The following BCL3 variants were observed in gnomAD, a reference collection of about 807,000 sequenced individuals.
BCL3 encodes the protein B-cell lymphoma 3 protein.
A neutral mutation model predicts 35.7 loss-of-function variants in BCL3; 15 were observed. That is an observed-to-expected ratio of 0.42 (90% CI 0.28 to 0.65). The LOEUF (loss-of-function observed/expected upper bound fraction) is 0.65, where lower values mean the gene tolerates loss of function less well. Among genes scored for constraint, BCL3 ranks in the 30% least tolerant of loss-of-function variants. BCL3 has a pLI of 0.22. For synonymous variants in BCL3, 311 were observed against 284.3 expected, an observed-to-expected ratio of 1.09 and a Z score of -0.95; for missense variants, 565 against 641.7, an observed-to-expected ratio of 0.88 and a Z score of 1.29.
chr19:44,757,225 A>C lies in BCL3; in HGVS notation c.724+4A>C, dbSNP rs1214971348. The C allele has an allele frequency of 6.5e-7, 1 of 1,550,072 alleles. No individual in the cohort carries two copies. The highest frequency in any genetic ancestry group is 2.4e-5 in the East Asian group (1 of 41,128). ...CTGGAGGCCCGCAATTATGACGGTA[A>C]GCATTTACCGCGGGGCACCGCTGGG... On this transcript the variant is annotated splice_donor_region_variant and intron_variant, in intron 4 of 8. Coordinates refer to ENST00000164227, the MANE Select transcript of BCL3 (RefSeq NM_005178.5). The surrounding 1 kb of genome is among the most constrained non-coding windows in gnomAD (Gnocchi z 8.4).
Position 44,749,053 on chromosome 19 carries a change from G to T in BCL3, c.256+7G>T. ...GAGGCGCTTTACTACCCCGGTGAGT[G>T]GCCCCCGAGGGTCCGGGCCGGGTGG... On this transcript the variant is annotated splice_region_variant and intron_variant, in intron 1 of 8. Transcript: ENST00000164227. 1 of 1,308,300 alleles carries T rather than the reference G, an allele frequency of 7.6e-7. No individual in the cohort carries two copies. Among genetic ancestry groups the T allele is most frequent in the Non-Finnish European group, 9.8e-7 (1 of 1,023,028 alleles). 81.0% of individuals were successfully genotyped at this position (1,308,300 alleles called of 1,614,324 possible). A position where few individuals can be genotyped will look rare whatever the true frequency, so the allele number is the denominator to read the frequency against.
intron 6 of BCL3, 84 bp from the exon 7 acceptor site, chr19:44,758,162 G>T: frequency 7.4e-7 from 1 of 1,356,484 alleles, no homozygotes. Flanking sequence ...CCCACGTGCC[G>T]GCCACCCACC....
Position 44,748,910 on chromosome 19 carries a change from C to T in BCL3, c.120C>T (p.Pro40=). 3.5e-6 allele frequency: 4 copies of T among 1,151,628 alleles called. No individual in the cohort carries two copies. The highest frequency in any genetic ancestry group is 4.3e-6 in the Non-Finnish European group (4 of 938,412). The allele number at this position is 1,151,628 out of a possible 1,614,324, so 71.3% of individuals were successfully genotyped here. A position where few individuals can be genotyped will look rare whatever the true frequency, so the allele number is the denominator to read the frequency against. The change falls in exon 1 of 9, where the codon CCC becomes CCT. Residue 40 remains proline (P), a synonymous_variant. Coordinates refer to ENST00000164227, the MANE Select transcript of BCL3 (RefSeq NM_005178.5). ...TCCGCAAGCGCCCGCTGCGCGCGCC[C>T]TCCCCGGAGCCCGCCGCTCCCCGCG... ...LPLRKRPLRA[P]SPEPAAPRGA... is the part of the protein sequence containing the mutation.
In BCL3 at chr19:44,748,798, G is replaced by A. The variant is rs1409945901; in HGVS notation, c.8G>A (p.Arg3Gln). The change falls in exon 1 of 9, where the codon CGA (arginine) becomes CAA (glutamine). Residue 3 changes from arginine to glutamine, a missense_variant. Arg to Gln is a conservative substitution (Grantham distance 43). This residue lies in a region of BCL3 where 267 missense variants were observed against 281.5 expected (regional missense o/e 0.95). Transcript: ENST00000164227. ...GCCGTCCCCGGCGGCCCCATGCCCC[G>A]ATGCCCCGCGGGGGCCATGGACGAG... is the stretch of plus-strand genomic sequence containing the variant. MP[R>Q]CPAGAMDEGP... is the part of the protein sequence containing the mutation. 66 of 1,109,072 alleles carry A rather than the reference G, an allele frequency of 6.0e-5. No individual in the cohort carries two copies. The East Asian group carries it at 2.5e-3, about 42-fold the overall frequency. 68.7% of individuals were successfully genotyped at this position (1,109,072 alleles called of 1,614,324 possible).
chr19:44,759,047 CCAGCCCCTCCTCCCTCAGACCT>C (rs1344281915), intron 8 of BCL3, among the ~76,000 whole-genome samples: 1 of 129,466 alleles, frequency 7.7e-6, no homozygotes, highest in Non-Finnish European at 1.7e-5. Context: ...TTCAGACCCC[CCAGCCCCTCCTCCCTCAGACCT>C]CAGCCCCTCC....
At position 44,751,340 on chromosome 19, in the gene BCL3, G is replaced by A; in HGVS notation, c.370G>A (p.Asp124Asn). 6.2e-7 allele frequency: 1 copy of A among 1,602,660 alleles called. No individual in the cohort carries two copies. Among genetic ancestry groups the A allele is most frequent in the Non-Finnish European group, 8.5e-7 (1 of 1,176,280 alleles). Residue 124 changes from aspartate to asparagine, a missense_variant, in exon 2 of 9, where the codon GAC (aspartate) becomes AAC (asparagine). Coordinates refer to ENST00000164227, the MANE Select transcript of BCL3 (RefSeq NM_005178.5). ...MCPMEHPLSA[D>N]IAMATRADED... ...CCCCATGGAACACCCCCTTTCTGCT[G>A]ACATCGCCATGGCCACCCGTGCAGA... is the stretch of plus-strand genomic sequence containing the variant.
intron 2 of BCL3, among the ~76,000 whole-genome samples, chr19:44,753,317 C>G (rs1967216814): frequency 6.6e-6 from 1 of 152,180 alleles, no homozygotes; most frequent in African/African-American, 2.4e-5. Context: ...GGTGAGCTGT[C>G]CATGCTGTTG....
intron 2 of BCL3, chr19:44,755,445 C>A (rs1030066346): frequency 6.6e-6 from 1 of 152,236 alleles, no homozygotes; most frequent in Admixed American, 6.5e-5. Context: ...TGGGGCGTGA[C>A]CTTGGACAAG....
At chr19:44,747,926 T>TGCCCCCC, upstream of BCL3, 25 of 1,186,764 alleles carry the variant, frequency 2.1e-5, no homozygotes, top group Admixed American at 3.6e-5. Context: ...AGTGGAGCGC[T>TGCCCCCC]CCCCACCCTC....
At chr19:44,748,137 GAACCGAGATTCC>G (rs1173181769), upstream of BCL3, 2 of 1,281,344 alleles carry the variant, frequency 1.6e-6, 1 homozygote, top group Admixed American at 4.9e-5. Context: ...GAGTAAGTGG[GAACCGAGATTCC>G]AAACCCCGTC....
At chr19:44,754,149 C>A (rs923781939) in intron 2 of BCL3, among the ~76,000 whole-genome samples, 2 of 152,056 alleles carry the variant, frequency 1.3e-5, no homozygotes, top group African/African-American at 4.8e-5. Context: ...AGTTTGGGAT[C>A]CTGGAGCTCT....
intron 2 of BCL3, chr19:44,755,043 T>G (rs1967255381): frequency 6.6e-6 from 1 of 152,290 alleles, no homozygotes; most frequent in Non-Finnish European, 1.5e-5. Flanking sequence ...TTAGTAAACT[T>G]TAAATAAAGA....
chr19:44,752,078 G>GCACACACA (rs3138632), intron 2 of BCL3, among the ~76,000 whole-genome samples: 11 of 145,922 alleles, frequency 7.5e-5, no homozygotes, highest in Non-Finnish European at 1.2e-4. Flanking sequence ...CTCAAACCCA[G>GCACACACA]CACACACACA....
At chr19:44,755,889 A>G (rs1248608252) in intron 2 of BCL3, among the ~76,000 whole-genome samples, 1 of 152,228 alleles carries the variant, frequency 6.6e-6, no homozygotes, top group Non-Finnish European at 1.5e-5. Context: ...ACTGCACTCC[A>G]GCCTGGGCGA....
chr19:44,748,790 C>A lies in BCL3; in HGVS notation c.-1C>A. 9.0e-7 allele frequency: 1 copy of A among 1,109,714 alleles called. No homozygotes were observed. Among genetic ancestry groups the A allele is most frequent in the Non-Finnish European group, 1.1e-6 (1 of 910,192 alleles). 68.7% of individuals were successfully genotyped at this position (1,109,714 alleles called of 1,614,324 possible). On this transcript the variant is annotated 5_prime_UTR_variant, in exon 1 of 9. Coordinates refer to ENST00000164227, the MANE Select transcript of BCL3 (RefSeq NM_005178.5). The stretch of plus-strand genomic sequence containing the variant: ...CTCCGGCCGCCGTCCCCGGCGGCCC[C>A]ATGCCCCGATGCCCCGCGGGGGCCA...
chr19:44,748,086 A>G, upstream of BCL3: 7 of 1,338,928 alleles, frequency 5.2e-6, no homozygotes, highest in Non-Finnish European at 6.9e-6. Context: ...TAAGGAGGAA[A>G]CGGCTCAGAG....
At position 44,749,039 on chromosome 19, in the gene BCL3, C is replaced by A; in HGVS notation, c.249C>A (p.Tyr83Ter). 1 of 1,349,524 alleles carries A rather than the reference C, an allele frequency of 7.4e-7. No individual in the cohort carries two copies. The highest frequency in any genetic ancestry group is 9.5e-7 in the Non-Finnish European group (1 of 1,053,808). 83.6% of individuals were successfully genotyped at this position (1,349,524 alleles called of 1,614,324 possible). ...PHGLARPEAL[Y>*]YPGALLPLYP... ...GCCTGGCCCGGCCGGAGGCGCTTTA[C>A]TACCCCGGTGAGTGGCCCCCGAGGG... is the stretch of plus-strand genomic sequence containing the variant. Residue 83 changes from tyrosine to a stop codon, truncating the protein, a stop_gained, in exon 1 of 9, where the codon TAC becomes TAA. Transcript: ENST00000164227. LOFTEE classifies it high-confidence loss of function.
Position 44,758,730 on chromosome 19 carries a change from G to A in BCL3, c.1066G>A (p.Asp356Asn). ...CACGCCCATCTTCCTACAGGTCATC[G>A]ACATCCTGAGGGGGAAGGCCACCCG... ...LMVARSRRVIDILRGKATRPA... is the reference protein window; with the variant it reads ...LMVARSRRVINILRGKATRPA... Residue 356 changes from aspartate (D) to asparagine (N), a missense_variant, in exon 8 of 9, where the codon GAC becomes AAC. Asp to Asn is a conservative substitution (Grantham distance 23). This residue lies in a region of BCL3 where 151 missense variants were observed against 138.1 expected (regional missense o/e 1.09). Coordinates refer to ENST00000164227, the MANE Select transcript of BCL3 (RefSeq NM_005178.5). 1 of 1,598,060 alleles carries A rather than the reference G, an allele frequency of 6.3e-7. No homozygotes were observed. Among genetic ancestry groups the A allele is most frequent in the East Asian group, 2.3e-5 (1 of 44,346 alleles).
At chr19:44,751,129 G>T in intron 1 of BCL3, 98 bp from the exon 2 acceptor site, 1 of 1,463,414 alleles carries the variant, frequency 6.8e-7, no homozygotes, top group South Asian at 1.3e-5. Context: ...AGAAAGGGCA[G>T]GTGACACCAC....
Sources: allele counts gnomAD v4.1 joint callset (sites outside exome capture counted in the v4.1 genomes callset), GRCh38; gene constraint gnomAD v4.1.1; regional missense constraint gnomAD v4.1.1; non-coding constraint Gnocchi (gnomAD v3.1); transcripts MANE v1.5; gene names NCBI Gene and HGNC (gene_info 2026-07-23, HGNC 2026-07-21).